NXF1: variants seen among roughly 807,000 people sequenced by gnomAD.
The protein encoded by NXF1 is nuclear RNA export factor 1, also known as mRNA export factor TAP.
In NXF1, 43 loss-of-function variants were observed where a neutral mutation model predicts 92.4. That is an observed-to-expected ratio of 0.47 (90% CI 0.36 to 0.60). The LOEUF is 0.60. Among genes scored for constraint, NXF1 ranks in the 20% least tolerant of loss-of-function variants. The pLI is 0.00. For missense variants in NXF1, 576 were observed against 793.0 expected, an observed-to-expected ratio of 0.73 and a Z score of 3.29; for synonymous variants, 288 against 292.2, an observed-to-expected ratio of 0.99 and a Z score of 0.15.
intron 11 of NXF1, 104 bp downstream of exon 11, chr11:62,798,435 A>AT: frequency 2.7e-6 from 4 of 1,458,440 alleles, no homozygotes; most frequent in African/African-American, 2.9e-5. Flanking sequence ...TCCGTCTCAA[A>AT]TAAAAAAAAA....
At position 62,800,362 on chromosome 11, in the gene NXF1, C is replaced by T; in HGVS notation, c.1016+15G>A. On this transcript the variant is annotated intron_variant, in intron 10 of 20. Transcript: ENST00000294172. The stretch of plus-strand genomic sequence containing the variant: ...GTGAAGGTCCCCAGGAGGGGAGACA[C>T]AGGCTACAACTGACCTGATGTAGGT... The T allele has an allele frequency of 1.2e-6, 2 of 1,614,010 alleles. No individual in the cohort carries two copies. The highest frequency in any genetic ancestry group is 1.1e-5 in the South Asian group (1 of 91,078).
At chr11:62,794,173 AAAC>A in intron 19 of NXF1, 82 bp downstream of exon 19, 6 of 1,381,780 alleles carry the variant, frequency 4.3e-6, no homozygotes, top group Non-Finnish European at 5.9e-6. Context: ...TCCAAAAAAA[AAAC>A]AAAAAAACTG....
chr11:62,797,116 G>A (rs1447687247), intron 13 of NXF1, 67 bp downstream of exon 13: 5 of 1,212,360 alleles, frequency 4.1e-6, no homozygotes, highest in Non-Finnish European at 4.9e-6. Flanking sequence ...AGATTGATGT[G>A]TGCCTGGGTC....
At chr11:62,797,081 AAAC>A in intron 13 of NXF1, 99 bp downstream of exon 13, 64 of 1,103,448 alleles carry the variant, frequency 5.8e-5, no homozygotes, top group Non-Finnish European at 7.0e-5. Flanking sequence ...AAAAAAAAAA[AAAC>A]AAAACAAAAA....
Position 62,796,460 on chromosome 11 carries a change from C to T in NXF1, c.1286G>A (p.Arg429Gln). The T allele has an allele frequency of 2.5e-6, 4 of 1,613,956 alleles. No homozygotes were observed. Among genetic ancestry groups the T allele is most frequent in the Non-Finnish European group, 3.4e-6 (4 of 1,179,906 alleles). ...GCAGATTCTGGGATGTGATACTAAC[C>T]GGGCAGGGTTCTGAGGAATGAAAGG... ...SIPFIPQNPA[R>Q]SSLAEYFKDS... Residue 429 changes from arginine to glutamine, a missense_variant and splice_region_variant, in exon 14 of 21, where the codon CGA becomes CAA. Around this residue, in one of 2 missense-constraint regions of NXF1, gnomAD observed 425 missense variants for 635.2 expected, o/e 0.67. Transcript: ENST00000294172.
intron 18 of NXF1, 42 bp downstream of exon 18, chr11:62,794,893 T>A (rs757929024): frequency 1.3e-6 from 2 of 1,571,338 alleles, no homozygotes; most frequent in African/African-American, 1.3e-5. Context: ...CTGTTGGCCA[T>A]GGATTAGGAC....
chr11:62,799,927 G>A (rs1590952759), intron 10 of NXF1: 1 of 990,676 alleles, frequency 1.0e-6, no homozygotes, highest in Non-Finnish European at 1.2e-6. Flanking sequence ...GGCAAGAGGG[G>A]CCATCACAGT....
rs1434818604 is a variant in NXF1, at chr11:62,792,530, G to A, written c.1822-16C>T. ...CGCCCTTGGCCTGGAGAAAAATGAA[G>A]GTCAGTAGAGGTAGGCCTACCCTCG... is the stretch of plus-strand genomic sequence containing the variant. On this transcript the variant is annotated splice_polypyrimidine_tract_variant and intron_variant, in intron 20 of 20. Coordinates refer to ENST00000294172, the MANE Select transcript of NXF1 (RefSeq NM_006362.5). 3 of 1,614,206 alleles carry A rather than the reference G, an allele frequency of 1.9e-6. No individual in the cohort carries two copies. The highest frequency in any genetic ancestry group is 1.1e-5 in the South Asian group (1 of 91,086).
chr11:62,803,661 G>C, intron 2 of NXF1, 89 bp from the exon 3 acceptor site: 1 of 1,555,364 alleles, frequency 6.4e-7, no homozygotes. Flanking sequence ...CTACAACTAA[G>C]ACTGTTTAAT....
At chr11:62,794,610 C>T in intron 18 of NXF1, 170 bp from the exon 19 acceptor site, 1 of 642,298 alleles carries the variant, frequency 1.6e-6, no homozygotes, top group Non-Finnish European at 2.7e-6. Flanking sequence ...GAAGGATTAT[C>T]TACTAAACAC....
In NXF1 at chr11:62,796,353, A is replaced by G; in HGVS notation, c.1287-8T>C. On this transcript the variant is annotated splice_polypyrimidine_tract_variant and splice_region_variant and intron_variant, in intron 14 of 20. Coordinates refer to ENST00000294172, the MANE Select transcript of NXF1 (RefSeq NM_006362.5). ...TACTCGGCTAAGCTGCTTCTGGGGGAATAAAAGGAATGGACGTGGTGTTCA... is the reference window on the plus strand; with the variant it reads ...TACTCGGCTAAGCTGCTTCTGGGGGGATAAAAGGAATGGACGTGGTGTTCA... 1 of 1,613,924 alleles carries G rather than the reference A, an allele frequency of 6.2e-7. No individual in the cohort carries two copies.
Position 62,805,440 on chromosome 11 carries a change from T to C in NXF1, c.-84A>G, listed in dbSNP as rs1199711935. 3.8e-6 allele frequency: 6 copies of C among 1,583,668 alleles called. No individual in the cohort carries two copies. In the African/African-American group the frequency reaches 6.8e-5, roughly 18 times the overall value. ...AACTCCCAAGCGCTCAGGACCGAAG[T>C]GTCCCTACGCCGGGCGCCACCGCAT... On this transcript the variant is annotated 5_prime_UTR_variant, in exon 1 of 21. Transcript: ENST00000294172.
rs200919758 is a variant in NXF1, at chr11:62,797,281, T to C, written c.1122+37A>G. 89 of 1,614,030 alleles carry C rather than the reference T, an allele frequency of 5.5e-5. 1 individual carries two copies. In the East Asian group the frequency reaches 1.4e-3, roughly 25 times the overall value. On this transcript the variant is annotated intron_variant, in intron 12 of 20. Coordinates refer to ENST00000294172, the MANE Select transcript of NXF1 (RefSeq NM_006362.5). Reference sequence around the variant, plus strand: ...TTAGGAACATGGAAGCAGTATTCTCTCCACACACAAGTTCTTACTCTGTCC... The same window carrying C: ...TTAGGAACATGGAAGCAGTATTCTCCCCACACACAAGTTCTTACTCTGTCC...
At chr11:62,797,427 C>T in intron 11 of NXF1, 41 bp from the exon 12 acceptor site, 1 of 1,566,718 alleles carries the variant, frequency 6.4e-7, no homozygotes, top group Non-Finnish European at 8.7e-7. Context: ...AGACTGGGCC[C>T]AGTGGCTCAC....
Position 62,802,249 on chromosome 11 carries a change from G to A in NXF1, c.381C>T (p.Gly127=). The part of the protein sequence containing the change: ...KNWFKITIPY[G]RKYDKAWLLS... ...GGAGCCATGCCTTGTCATACTTTCT[G>A]CCATAAGGAATCTAGAAATGAGAGA... Residue 127 remains glycine (G), a synonymous_variant, in exon 4 of 21, where the codon GGC becomes GGT. Coordinates refer to ENST00000294172, the MANE Select transcript of NXF1 (RefSeq NM_006362.5). 1 of 1,613,824 alleles carries A rather than the reference G, an allele frequency of 6.2e-7. No homozygotes were observed. The highest frequency in any genetic ancestry group is 8.5e-7 in the Non-Finnish European group (1 of 1,179,744).
At chr11:62,804,884 T>C (rs1231602063) in intron 1 of NXF1, among the ~76,000 whole-genome samples, 1 of 152,108 alleles carries the variant, frequency 6.6e-6, no homozygotes, top group Non-Finnish European at 1.5e-5. Context: ...ACACCCAGTG[T>C]AGTGTTCAGA....
At chr11:62,802,423 TTC>T (rs1412827641) in intron 3 of NXF1, among the ~76,000 whole-genome samples, 163 bp from the exon 4 acceptor site, 4 of 152,194 alleles carry the variant, frequency 2.6e-5, no homozygotes, top group Non-Finnish European at 4.4e-5. Context: ...TTTAACTCCT[TTC>T]TGTCTACTTA....
intron 11 of NXF1, 139 bp downstream of exon 11, chr11:62,798,400 C>T (rs913898082): frequency 1.4e-5 from 18 of 1,313,022 alleles, no homozygotes; most frequent in African/African-American, 9.1e-5. Flanking sequence ...TGCTGTTGCA[C>T]TCCAGCCTGG....
At chr11:62,798,462 AG>A (rs1432186612) in intron 11 of NXF1, 76 bp downstream of exon 11, 17 of 1,557,500 alleles carry the variant, frequency 1.1e-5, no homozygotes, top group Non-Finnish European at 1.5e-5. Flanking sequence ...AAAAAGAAAA[AG>A]AAAAAGAAAC....
Sources: gnomAD v4.1 joint callset for allele counts (sites outside exome capture counted in the v4.1 genomes callset) on GRCh38, gnomAD v4.1.1 for gene constraint, gnomAD v4.1.1 regional missense constraint, MANE v1.5 for transcripts, NCBI Gene and HGNC (gene_info 2026-07-23, HGNC 2026-07-21) for gene names.